Variants in MCTP2 observed in about 807,000 individuals in gnomAD.
MCTP2 encodes multiple C2 and transmembrane domain containing 2.
MCTP2 carries 132 observed loss-of-function variants against 111.6 expected under a neutral mutation model. The ratio of observed to expected loss-of-function variants is 1.18; its 90% CI spans 1.03 to 1.37. The LOEUF (loss-of-function observed/expected upper bound fraction) is 1.37, where lower values mean the gene tolerates loss of function less well. MCTP2 is among the 40% of genes most tolerant of loss of function. The pLI, the probability that MCTP2 is intolerant of heterozygous loss-of-function variation, is 0.00. For missense variants in MCTP2, 1,183 were observed against 1,067.9 expected, an observed-to-expected ratio of 1.11 and a Z score of -1.50; for synonymous variants, 395 against 387.7, an observed-to-expected ratio of 1.02 and a Z score of -0.22.
chr15:94,314,224 C>A lies in MCTP2; in HGVS notation c.466-58C>A, dbSNP rs2076276895. The A allele has an allele frequency of 3.4e-5, 41 of 1,191,222 alleles. No individual in the cohort carries two copies. In the South Asian group the frequency reaches 5.3e-4, roughly 15 times the overall value. The allele number at this position is 1,191,222 out of a possible 1,614,324, so 73.8% of individuals were successfully genotyped here. ...GAAAAGACCTGATAGAGGGTATCTTCCTGAGTTGGTATTAATTTGCTTTTG... is the reference window on the plus strand; with the variant it reads ...GAAAAGACCTGATAGAGGGTATCTTACTGAGTTGGTATTAATTTGCTTTTG... On this transcript the variant is annotated intron_variant, in intron 2 of 22. Transcript: ENST00000357742.
chr15:94,331,055 C>T (rs1229760652), intron 4 of MCTP2, among the ~76,000 whole-genome samples: 1 of 152,140 alleles, frequency 6.6e-6, no homozygotes. Context: ...TTTTAATGAC[C>T]ACTTTGCCAA....
chr15:94,467,444 GAA>G (rs2073469237), intron 20 of MCTP2, among the ~76,000 whole-genome samples: 36 of 77,896 alleles, frequency 4.6e-4, no homozygotes, highest in Non-Finnish European at 1.4e-4. Flanking sequence ...ATGACCAATG[GAA>G]TATAAAGTCT....
At chr15:94,362,437 C>A (rs76983840) in intron 10 of MCTP2, among the ~76,000 whole-genome samples, 10,242 of 152,250 alleles carry the variant, frequency 0.067, 491 homozygotes, top group East Asian at 0.23. Context: ...TTTGGACTAG[C>A]CTGCCTCAGA....
In MCTP2 at chr15:94,339,414, T is replaced by A; in HGVS notation, c.762T>A (p.Asp254Glu). Residue 254 changes from aspartate to glutamate, a missense_variant, in exon 5 of 23, where the codon GAT (aspartate) becomes GAA (glutamate). Asp to Glu is a conservative substitution (Grantham distance 45). Transcript: ENST00000357742. ...TTGTATTGCCAATCCAAAGCCTTGA[T>A]CAAAAGCTACGTGTGAAGGTAATCA... is the stretch of plus-strand genomic sequence containing the variant. ...EIVVLPIQSLDQKLRVKVYDR... is the reference protein window; with the variant it reads ...EIVVLPIQSLEQKLRVKVYDR... 1.2e-6 allele frequency: 2 copies of A among 1,604,478 alleles called. No homozygotes were observed. The highest frequency in any genetic ancestry group is 1.7e-6 in the Non-Finnish European group (2 of 1,176,534).
chr15:94,341,257 TTC>T, intron 7 of MCTP2: 1 of 291,840 alleles, frequency 3.4e-6, no homozygotes. Context: ...AATTTTAATG[TTC>T]TCTAGTCTAG....
At chr15:94,375,660 G>A (rs1292525567) in intron 12 of MCTP2, among the ~76,000 whole-genome samples, 1 of 152,094 alleles carries the variant, frequency 6.6e-6, no homozygotes, top group Non-Finnish European at 1.5e-5. Context: ...TAATAAAGGT[G>A]TCACTTGGAC....
At chr15:94,394,473 A>T (rs937569841) in intron 14 of MCTP2, among the ~76,000 whole-genome samples, 1 of 152,184 alleles carries the variant, frequency 6.6e-6, no homozygotes, top group African/African-American at 2.4e-5. Context: ...AAAATGTTAC[A>T]TTAACATTGT....
rs189338285 is a variant in MCTP2, at chr15:94,359,195, G to A, written c.1301+583G>A. Among the ~76,000 whole-genome samples the A allele has an allele frequency of 1.1e-4, 16 of 152,240 alleles. No homozygotes were observed. In the East Asian group the frequency reaches 2.3e-3, roughly 22 times the overall value. ...AGGCAGCATAGGTGCTGTAACCCGC[G>A]TACAGTAAGCAAAAAGGAGATGCTG... is the stretch of plus-strand genomic sequence containing the variant. On this transcript the variant is annotated intron_variant, in intron 10 of 22. Coordinates refer to ENST00000357742, the MANE Select transcript of MCTP2 (RefSeq NM_001385001.1).
At chr15:94,258,033 C>CGT (rs2072941740) in intron 1 of MCTP2, among the ~76,000 whole-genome samples, 1 of 84,938 alleles carries the variant, frequency 1.2e-5, no homozygotes, top group Non-Finnish European at 2.5e-5. Flanking sequence ...GCCACCATGT[C>CGT]ATTTTTTTTT....
intron 8 of MCTP2, among the ~76,000 whole-genome samples, chr15:94,354,257 G>C (rs2078481191): frequency 6.6e-6 from 1 of 152,132 alleles, no homozygotes; most frequent in South Asian, 2.1e-4. Context: ...GTGTCTGTGT[G>C]TTTTAAGAGA....
At chr15:94,294,297 T>C (rs1002987246) in intron 1 of MCTP2, among the ~76,000 whole-genome samples, 2 of 152,192 alleles carry the variant, frequency 1.3e-5, no homozygotes, top group African/African-American at 4.8e-5. Context: ...TCTGTAAATG[T>C]GTTAACATTA....
intron 17 of MCTP2, among the ~76,000 whole-genome samples, chr15:94,422,890 T>G (rs1416686883): frequency 6.6e-6 from 1 of 152,192 alleles, no homozygotes; most frequent in Non-Finnish European, 1.5e-5. Context: ...AGATGGGGTT[T>G]CCACTATGTT....
intron 1 of MCTP2, among the ~76,000 whole-genome samples, chr15:94,239,096 G>A (rs1052177495): frequency 1.3e-5 from 2 of 151,894 alleles, no homozygotes; most frequent in African/African-American, 4.8e-5. Flanking sequence ...AAAATGATTG[G>A]GTAATGCTTA....
chr15:94,268,261 A>G (rs943010241), intron 1 of MCTP2, among the ~76,000 whole-genome samples: 1 of 148,162 alleles, frequency 6.7e-6, no homozygotes, highest in Non-Finnish European at 1.5e-5. Flanking sequence ...GGCCACTGCA[A>G]CCTCCGCCTC....
At chr15:94,250,997 A>C (rs1436413173) in intron 1 of MCTP2, among the ~76,000 whole-genome samples, 1 of 152,252 alleles carries the variant, frequency 6.6e-6, no homozygotes, top group Non-Finnish European at 1.5e-5. Context: ...TGACTATGGA[A>C]GATGATTAGA....
chr15:94,362,319 C>T (rs1388145593), intron 10 of MCTP2, among the ~76,000 whole-genome samples: 1 of 152,118 alleles, frequency 6.6e-6, no homozygotes, highest in Non-Finnish European at 1.5e-5. Context: ...ATACCAATTT[C>T]TTAAAGTATA....
chr15:94,367,919 G>C lies in MCTP2; in HGVS notation c.1488+128G>C, dbSNP rs1241316940. On this transcript the variant is annotated intron_variant, in intron 11 of 22. Coordinates refer to ENST00000357742, the MANE Select transcript of MCTP2 (RefSeq NM_001385001.1). ...AGAGATCTTTGTCCCAAGTTTCCTT[G>C]TACGTCATAAAACAAGACATCAGAC... is the stretch of plus-strand genomic sequence containing the variant. 18 of 793,554 alleles carry C rather than the reference G, an allele frequency of 2.3e-5. No homozygotes were observed. In the East Asian group the frequency reaches 5.8e-4, roughly 25 times the overall value. 49.2% of individuals were successfully genotyped at this position (793,554 alleles called of 1,614,324 possible). A position where few individuals can be genotyped will look rare whatever the true frequency, so the allele number is the denominator to read the frequency against.
intron 16 of MCTP2, among the ~76,000 whole-genome samples, chr15:94,401,549 T>G (rs918670314): frequency 6.6e-6 from 1 of 152,226 alleles, no homozygotes. Flanking sequence ...TCTTTCTCTT[T>G]CTAGTTCTCT....
At chr15:94,464,268 TATA>T (rs2085450856) in intron 20 of MCTP2, among the ~76,000 whole-genome samples, 1 of 64,822 alleles carries the variant, frequency 1.5e-5, no homozygotes, top group African/African-American at 5.6e-5. Context: ...TATATATATA[TATA>T]TATATATAAA....
Sources: gnomAD v4.1 joint callset for allele counts (sites outside exome capture counted in the v4.1 genomes callset) on GRCh38, gnomAD v4.1.1 for gene constraint, MANE v1.5 for transcripts, NCBI Gene and HGNC (gene_info 2026-07-23, HGNC 2026-07-21) for gene names.